The following SEMA6D variants were observed in gnomAD, a reference collection of about 807,000 sequenced individuals.
SEMA6D encodes the protein semaphorin 6D.
Under a neutral mutation model 106.6 loss-of-function variants are expected in SEMA6D, and 35 were observed. The ratio of observed to expected loss-of-function variants is 0.33; its 90% CI spans 0.25 to 0.44. SEMA6D has a LOEUF of 0.44. SEMA6D is among the 20% of genes least tolerant of loss of function. The probability of loss-of-function intolerance (pLI) is 1.00; values close to 1 mark genes in which losing one functional copy is unlikely to be tolerated. For missense variants in SEMA6D, 1,185 were observed against 1,345.9 expected (o/e 0.88, Z 1.87); for synonymous variants, 499 against 487.7 (o/e 1.02, Z -0.31).
chr15:47,453,248 T>C (rs2042244166), intron 2 of SEMA6D, among the ~76,000 whole-genome samples: 1 of 151,780 alleles, frequency 6.6e-6, no homozygotes, highest in African/African-American at 2.4e-5. Context: ...ATAAATTTAA[T>C]TAATTTATTT....
At chr15:47,579,771 G>A (rs1411698893) in intron 3 of SEMA6D, among the ~76,000 whole-genome samples, 1 of 151,968 alleles carries the variant, frequency 6.6e-6, no homozygotes, top group East Asian at 1.9e-4. Context: ...GTAAATATAT[G>A]GTACTCACCA....
At chr15:47,409,434 C>G (rs2040707921) in intron 1 of SEMA6D, among the ~76,000 whole-genome samples, 1 of 152,166 alleles carries the variant, frequency 6.6e-6, no homozygotes, top group Non-Finnish European at 1.5e-5. Context: ...TTCTGGGTTC[C>G]ATTTTTGATC....
chr15:47,739,441 C>A (rs1247059030), intron 1 of SEMA6D, among the ~76,000 whole-genome samples: 1 of 152,140 alleles, frequency 6.6e-6, no homozygotes, highest in African/African-American at 2.4e-5. Flanking sequence ...TCCACCACCC[C>A]CCGCCCACAC....
intron 1 of SEMA6D, among the ~76,000 whole-genome samples, chr15:47,391,937 A>G (rs372755788): frequency 4.6e-5 from 7 of 152,228 alleles, no homozygotes; most frequent in Admixed American, 3.9e-4. Flanking sequence ...ACTCCCTAAA[A>G]TGCATCTTAA....
intron 1 of SEMA6D, among the ~76,000 whole-genome samples, chr15:47,330,707 A>G (rs1307010796): frequency 6.6e-6 from 1 of 152,202 alleles, no homozygotes; most frequent in Non-Finnish European, 1.5e-5. Context: ...CACGCAAGCA[A>G]TGAATTCTCA....
intron 1 of SEMA6D, among the ~76,000 whole-genome samples, chr15:47,188,381 G>A (rs778254474): frequency 3.3e-5 from 5 of 151,978 alleles, no homozygotes; most frequent in African/African-American, 4.8e-5. Flanking sequence ...TTCCTGTAAC[G>A]TGAAGACTAA....
intron 1 of SEMA6D, among the ~76,000 whole-genome samples, chr15:47,270,020 G>A (rs1171678126): frequency 6.6e-6 from 1 of 151,318 alleles, no homozygotes; most frequent in African/African-American, 2.4e-5. Flanking sequence ...TAGATCTTTA[G>A]TTCTCTCAGA....
chr15:47,442,744 G>C (rs2041919214), intron 2 of SEMA6D, among the ~76,000 whole-genome samples: 1 of 152,078 alleles, frequency 6.6e-6, no homozygotes, highest in Non-Finnish European at 1.5e-5. Context: ...ATTTGCCATG[G>C]TCTTTCTGGC....
intron 1 of SEMA6D, among the ~76,000 whole-genome samples, chr15:47,382,522 G>A (rs1268462569): frequency 6.6e-6 from 1 of 152,122 alleles, no homozygotes; most frequent in Non-Finnish European, 1.5e-5. Flanking sequence ...GAAAAAAAAA[G>A]GGACCACAAA....
chr15:47,384,814 G>GTTTTTTTTTTTTTTTTTTTTT lies in SEMA6D; in HGVS notation c.-238-27568_-238-27548dup, dbSNP rs1168068495. 6.1e-5 allele frequency among the ~76,000 whole-genome samples: 4 copies of GTTTTTTTTTTTTTTTTTTTTT among 65,694 alleles called. 1 individual carries two copies. Among genetic ancestry groups the GTTTTTTTTTTTTTTTTTTTTT allele is most frequent in the African/African-American group, 2.1e-4 (4 of 18,958 alleles). The allele number at this position is 65,694 out of a possible 152,430, so 43.1% of individuals were successfully genotyped here. A position where few individuals can be genotyped will look rare whatever the true frequency, so the allele number is the denominator to read the frequency against. ...TCAGAATTAACATTTGATTACTAAA[G>GTTTTTTTTTTTTTTTTTTTTT]TTTTTTTTTTTTTTTTTTTTTTTTT... On this transcript the variant is annotated intron_variant, in intron 1 of 19. Coordinates refer to the SEMA6D transcript ENST00000558014.
chr15:47,256,020 A>G (rs62014030), intron 1 of SEMA6D, among the ~76,000 whole-genome samples: 1,773 of 151,732 alleles, frequency 0.012, 34 homozygotes, highest in Admixed American at 0.012. Flanking sequence ...GTGTAGGTCT[A>G]TTTCTGAGTT....
At chr15:47,382,296 C>T (rs1433487537) in intron 1 of SEMA6D, among the ~76,000 whole-genome samples, 1 of 152,044 alleles carries the variant, frequency 6.6e-6, no homozygotes, top group Non-Finnish European at 1.5e-5. Context: ...ATCACGAGGT[C>T]AGGAGATCAA....
chr15:47,701,425 C>T (rs865856845), intron 4 of SEMA6D, among the ~76,000 whole-genome samples: 6 of 151,994 alleles, frequency 3.9e-5, no homozygotes, highest in Non-Finnish European at 5.9e-5. Flanking sequence ...AGGAGGAATA[C>T]GTTCACTATA....
intron 1 of SEMA6D, among the ~76,000 whole-genome samples, chr15:47,304,132 G>A (rs894153943): frequency 6.6e-6 from 1 of 152,042 alleles, no homozygotes; most frequent in African/African-American, 2.4e-5. Context: ...TGTTATCTTA[G>A]TTATACTATA....
chr15:47,603,503 G>A (rs1045896487), intron 4 of SEMA6D: 1 of 152,028 alleles, frequency 6.6e-6, no homozygotes, highest in African/African-American at 2.4e-5. Flanking sequence ...CAACTAACTG[G>A]TTCTGACTTT....
intron 4 of SEMA6D, among the ~76,000 whole-genome samples, chr15:47,611,016 A>T (rs981128549): frequency 2.0e-5 from 3 of 152,358 alleles, no homozygotes; most frequent in East Asian, 3.9e-4. Flanking sequence ...CTGAGGCTTT[A>T]TCGTCATTCC....
At chr15:47,343,632 A>G (rs958330041) in intron 1 of SEMA6D, among the ~76,000 whole-genome samples, 4 of 152,126 alleles carry the variant, frequency 2.6e-5, no homozygotes, top group African/African-American at 4.8e-5. Context: ...TATATGTGCC[A>G]CATTTTCTTA....
intron 2 of SEMA6D, among the ~76,000 whole-genome samples, chr15:47,447,140 C>G (rs962161786): frequency 6.6e-6 from 1 of 152,128 alleles, no homozygotes; most frequent in African/African-American, 2.4e-5. Context: ...GCTTTGACAT[C>G]CTGGCACTGT....
intron 1 of SEMA6D, among the ~76,000 whole-genome samples, chr15:47,726,671 C>CCACCT (rs1268976849): frequency 2.6e-5 from 4 of 152,068 alleles, no homozygotes; most frequent in African/African-American, 9.7e-5. Flanking sequence ...GTGGTAATAC[C>CCACCT]CACCTCCTAG....
Sources: gnomAD v4.1 joint callset for allele counts (sites outside exome capture counted in the v4.1 genomes callset) on GRCh38, gnomAD v4.1.1 for gene constraint, MANE v1.5 for transcripts, NCBI Gene and HGNC (gene_info 2026-07-23, HGNC 2026-07-21) for gene names.